Variants in ADAMTS20 observed in about 807,000 individuals in gnomAD.
ADAMTS20 encodes A disintegrin and metalloproteinase with thrombospondin motifs 20.
In ADAMTS20, 225 loss-of-function variants were observed where a neutral mutation model predicts 260.1. The ratio of observed to expected loss-of-function variants is 0.87; its 90% CI spans 0.78 to 0.97. The LOEUF (loss-of-function observed/expected upper bound fraction) is 0.97, where lower values mean the gene tolerates loss of function less well. Ranked by LOEUF, ADAMTS20 falls within the 50% of genes least tolerant of loss-of-function variation. ADAMTS20 has a pLI of 0.00. For synonymous variants in ADAMTS20, 802 were observed against 769.5 expected (o/e 1.04, Z -0.70); for missense variants, 2,400 against 2,337.7 (o/e 1.03, Z -0.55).
chr12:43,424,027 A>G (rs1941284732), intron 28 of ADAMTS20: 1 of 617,380 alleles, frequency 1.6e-6, no homozygotes. Flanking sequence ...TTCAAATAAC[A>G]TGACTTGAAA....
chr12:43,545,869 A>G (rs1431979694), intron 2 of ADAMTS20, among the ~76,000 whole-genome samples: 2 of 152,126 alleles, frequency 1.3e-5, no homozygotes, highest in East Asian at 1.9e-4. Flanking sequence ...CACTTCCCCT[A>G]ACTAAAATCT....
intron 3 of ADAMTS20, among the ~76,000 whole-genome samples, chr12:43,516,983 C>T (rs948634366): frequency 6.6e-6 from 1 of 151,874 alleles, no homozygotes; most frequent in African/African-American, 2.4e-5. Flanking sequence ...CATCTTGGTA[C>T]ATGCAGGGAA....
chr12:43,354,376 C>G, intron 38 of ADAMTS20, 78 bp from the exon 39 acceptor site: 1 of 1,050,674 alleles, frequency 9.5e-7, no homozygotes, highest in Non-Finnish European at 1.4e-6. Flanking sequence ...AAAGCAAATG[C>G]TTTGAATCAT....
intron 28 of ADAMTS20, among the ~76,000 whole-genome samples, chr12:43,418,685 T>A (rs994719753): frequency 2.0e-5 from 3 of 152,252 alleles, no homozygotes; most frequent in African/African-American, 7.2e-5. Flanking sequence ...TCTAAAATGT[T>A]GAAACAAAAA....
At chr12:43,427,555 C>A in intron 26 of ADAMTS20, 86 bp from the exon 27 acceptor site, 1 of 1,308,496 alleles carries the variant, frequency 7.6e-7, no homozygotes, top group Non-Finnish European at 1.0e-6. Flanking sequence ...TCAGCATTGA[C>A]TCAATCAAAA....
intron 15 of ADAMTS20, among the ~76,000 whole-genome samples, chr12:43,444,278 G>A: frequency 6.6e-6 from 1 of 151,834 alleles, no homozygotes; most frequent in East Asian, 1.9e-4. Context: ...ACAAGTCCAG[G>A]AGATATTAAA....
Position 43,394,422 on chromosome 12 carries a change from T to C in ADAMTS20, c.4452+4644A>G, listed in dbSNP as rs531019939. 4.6e-5 allele frequency among the ~76,000 whole-genome samples: 7 copies of C among 152,238 alleles called. No individual in the cohort carries two copies. In the East Asian group the frequency reaches 1.4e-3, roughly 29 times the overall value. On this transcript the variant is annotated intron_variant, in intron 29 of 38. Transcript: ENST00000389420. ...GTGCCCAACACTTTGAACATCATCC[T>C]TCTGTTAATGTAACCTAGTATGTTA...
chr12:43,428,435 G>A lies in ADAMTS20; in HGVS notation c.3751C>T (p.Arg1251Cys), dbSNP rs777466280. ...CTACATTCCTGTTCCATCAAAGGGC[G>A]AACTTCAGGATCACAGTAATTCTCA... ...IDENYCDPEV[R>C]PLMEQECSLA... The change falls in exon 26 of 39, where the codon CGC (arginine) becomes TGC (cysteine). Residue 1251 changes from arginine (R) to cysteine (C), a missense_variant. Coordinates refer to ENST00000389420, the MANE Select transcript of ADAMTS20 (RefSeq NM_025003.5). 11 of 1,613,914 alleles carry A rather than the reference G, an allele frequency of 6.8e-6. No individual in the cohort carries two copies. Among genetic ancestry groups the A allele is most frequent in the South Asian group, 2.2e-5 (2 of 91,080 alleles).
chr12:43,388,439 T>G (rs997648909), intron 29 of ADAMTS20, among the ~76,000 whole-genome samples: 1 of 152,204 alleles, frequency 6.6e-6, no homozygotes, highest in African/African-American at 2.4e-5. Flanking sequence ...TTGGTCTCAC[T>G]AGAAGCTGCA....
chr12:43,461,393 G>C (rs112979987), intron 11 of ADAMTS20, among the ~76,000 whole-genome samples: 1 of 151,960 alleles, frequency 6.6e-6, no homozygotes, highest in Admixed American at 6.6e-5. Flanking sequence ...GTATACCTAA[G>C]ATCTATGCAT....
At chr12:43,397,404 A>G (rs994587769) in intron 29 of ADAMTS20, among the ~76,000 whole-genome samples, 6 of 152,192 alleles carry the variant, frequency 3.9e-5, no homozygotes, top group African/African-American at 1.4e-4. Flanking sequence ...CTGAGCTCAC[A>G]CTATGTGAAT....
At position 43,550,912 on chromosome 12, in the gene ADAMTS20, G is replaced by T; in HGVS notation, c.450C>A (p.Gly150=). The T allele has an allele frequency of 6.4e-7, 1 of 1,552,544 alleles. No individual in the cohort carries two copies. The highest frequency in any genetic ancestry group is 8.7e-7 in the Non-Finnish European group (1 of 1,146,338). Residue 150 remains glycine (G), a synonymous_variant, in exon 2 of 39, where the codon GGC becomes GGA. Transcript: ENST00000389420. ...CAAGGGACCCGAGGACACTCACCAGGCCTCCGCATAAGCTGACGACGGCCT... is the reference window on the plus strand; with the variant it reads ...CAAGGGACCCGAGGACACTCACCAGTCCTCCGCATAAGCTGACGACGGCCT... ...DYKAVVSLCG[G]LTGTFKGQNG... is the part of the protein sequence containing the mutation.
Position 43,383,712 on chromosome 12 carries a change from T to C in ADAMTS20, c.4643A>G (p.Glu1548Gly), listed in dbSNP as rs749035655. 1.2e-6 allele frequency: 2 copies of C among 1,613,774 alleles called. No homozygotes were observed. Among genetic ancestry groups the C allele is most frequent in the African/African-American group, 1.3e-5 (1 of 74,924 alleles). Residue 1548 changes from glutamate to glycine, a missense_variant, in exon 31 of 39, where the codon GAG (glutamate) becomes GGG (glycine). Coordinates refer to ENST00000389420, the MANE Select transcript of ADAMTS20 (RefSeq NM_025003.5). The part of the protein sequence containing the change: ...RGRLNCSTSC[E>G]RKDSHQRMEC... Reference sequence around the variant, plus strand: ...CATTCGTTGATGTGAATCTTTTCTCTCACATGATGTTGAACACTAGAAATG... The same window carrying C: ...CATTCGTTGATGTGAATCTTTTCTCCCACATGATGTTGAACACTAGAAATG...
downstream of ADAMTS20, among the ~76,000 whole-genome samples, chr12:43,353,682 C>CT (rs1213109311): frequency 9.9e-5 from 15 of 152,160 alleles, no homozygotes; most frequent in East Asian, 2.9e-3. Context: ...GGTATCTAAA[C>CT]TGTATGAGTA....
chr12:43,491,407 T>C (rs1942597966), intron 6 of ADAMTS20, among the ~76,000 whole-genome samples: 1 of 152,230 alleles, frequency 6.6e-6, no homozygotes. Flanking sequence ...AAGCAACACA[T>C]AATTGTACAT....
intron 18 of ADAMTS20, among the ~76,000 whole-genome samples, chr12:43,435,641 T>TAAAAAAAAAAAAAAA (rs35112845): frequency 1.2e-5 from 1 of 84,670 alleles, no homozygotes; most frequent in African/African-American, 4.7e-5. Flanking sequence ...ACTCCATTTC[T>TAAAAAAAAAAAAAAA]AAAAAAAAAA....
At chr12:43,443,406 G>C (rs2137332233) in intron 16 of ADAMTS20, among the ~76,000 whole-genome samples, 1 of 151,562 alleles carries the variant, frequency 6.6e-6, no homozygotes, top group South Asian at 2.1e-4. Flanking sequence ...AAATACTTTA[G>C]CTACATAGTA....
chr12:43,504,225 A>AT (rs537478476), intron 3 of ADAMTS20, among the ~76,000 whole-genome samples: 8 of 151,830 alleles, frequency 5.3e-5, no homozygotes, highest in Non-Finnish European at 8.8e-5. Context: ...AGCATCTATT[A>AT]TTTTTTTTAT....
At chr12:43,519,197 G>A (rs1943039123) in intron 3 of ADAMTS20, among the ~76,000 whole-genome samples, 1 of 151,944 alleles carries the variant, frequency 6.6e-6, no homozygotes, top group South Asian at 2.1e-4. Flanking sequence ...GATTCACCAT[G>A]AACCTAAAAA....
Sources: gnomAD v4.1 joint callset for allele counts (sites outside exome capture counted in the v4.1 genomes callset) on GRCh38, gnomAD v4.1.1 for gene constraint, MANE v1.5 for transcripts, NCBI Gene and HGNC (gene_info 2026-07-23, HGNC 2026-07-21) for gene names.